Variants in SH3BGRL observed in about 807,000 individuals in gnomAD.
The protein encoded by SH3BGRL is adapter SH3BGRL.
SH3BGRL carries 7 observed loss-of-function variants against 9.8 expected under a neutral mutation model. The observed-to-expected ratio is 0.72, with a 90% CI of 0.41 to 1.35. The LOEUF is 1.35. SH3BGRL is among the 40% of genes most tolerant of loss of function. The pLI, the probability that SH3BGRL is intolerant of heterozygous loss-of-function variation, is 0.01. For missense variants in SH3BGRL, 73 were observed against 84.4 expected (o/e 0.86, Z 0.53); for synonymous variants, 36 against 29.1 (o/e 1.24, Z -0.76).
chrX:81,284,308 C>T (rs1034730482), intron 3 of SH3BGRL, among the ~76,000 whole-genome samples: 3 of 109,749 alleles, frequency 2.7e-5, no homozygotes, highest in African/African-American at 1.0e-4. Context: ...GAAAAAAATC[C>T]TAAAATTCAT....
At chrX:81,219,458 G>A (rs1191366572) in intron 1 of SH3BGRL, among the ~76,000 whole-genome samples, 2 of 111,242 alleles carry the variant, frequency 1.8e-5, no homozygotes, top group Non-Finnish European at 3.8e-5. Context: ...TGATTTCTGT[G>A]TGTTGATTTT....
In SH3BGRL at chrX:81,268,565, C is replaced by T. The variant is rs193065024; in HGVS notation, c.46-8419C>T. On this transcript the variant is annotated intron_variant, in intron 1 of 3. Transcript: ENST00000373212. ...TTACTCCTGAGTTCTAATTTGACTG[C>T]ACTGTGGTCTGAGAGGCAGTTTGTT... is the stretch of plus-strand genomic sequence containing the variant. Among the ~76,000 whole-genome samples, 21 of 111,927 alleles carry T rather than the reference C, an allele frequency of 1.9e-4. No homozygotes were observed. The Admixed American group carries it at 1.9e-3, about 10-fold the overall frequency.
At chrX:81,287,741 T>C (rs1032452353) in intron 3 of SH3BGRL, among the ~76,000 whole-genome samples, 2 of 110,417 alleles carry the variant, frequency 1.8e-5, no homozygotes, top group Non-Finnish European at 3.8e-5. Context: ...CCAGGGCATG[T>C]GTATACCTAT....
intron 3 of SH3BGRL, among the ~76,000 whole-genome samples, chrX:81,291,910 C>G (rs1338096509): frequency 1.8e-5 from 2 of 112,033 alleles, no homozygotes; most frequent in Admixed American, 1.9e-4. Context: ...AGGGCACACT[C>G]ATGCAAGGGA....
chrX:81,259,702 GC>G (rs1287724842), intron 1 of SH3BGRL, among the ~76,000 whole-genome samples: 5 of 111,683 alleles, frequency 4.5e-5, no homozygotes, highest in African/African-American at 1.6e-4. Context: ...TACTCCCAAA[GC>G]CCTCAGAACA....
intron 1 of SH3BGRL, chrX:81,202,458 T>C: frequency 1.0e-6 from 1 of 1,000,625 alleles, no homozygotes; most frequent in Non-Finnish European, 1.3e-6. Flanking sequence ...GTTTGCTTCG[T>C]GACGTTGGGG....
At chrX:81,269,025 G>T (rs1265554626) in intron 1 of SH3BGRL, among the ~76,000 whole-genome samples, 2 of 111,312 alleles carry the variant, frequency 1.8e-5, no homozygotes, top group Non-Finnish European at 3.8e-5. Flanking sequence ...TTTTATCAGA[G>T]ACCAGGATTG....
At chrX:81,267,556 C>A (rs888181795) in intron 1 of SH3BGRL, among the ~76,000 whole-genome samples, 5 of 111,630 alleles carry the variant, frequency 4.5e-5, no homozygotes, top group Non-Finnish European at 9.4e-5. Flanking sequence ...AGGGATGAAG[C>A]TGACTTGATT....
rs754642549 is a variant in SH3BGRL at position 81,278,317 on chromosome X, TTC to T, written c.232-12_232-11del. ...TTGCATATTGCTAATTCATCTTATC[TTC>T]TTTTCATCAAGGACTATGATGCCTT... On this transcript the variant is annotated splice_polypyrimidine_tract_variant and intron_variant, in intron 2 of 3. Transcript: ENST00000373212. The T allele has an allele frequency of 7.0e-5, 80 of 1,138,021 alleles. No individual in the cohort carries two copies. Among genetic ancestry groups the T allele is most frequent in the Non-Finnish European group, 8.7e-5 (73 of 839,801 alleles). The allele number at this position is 1,138,021 out of a possible 1,213,427, so 93.8% of individuals were successfully genotyped here. A position where few individuals can be genotyped will look rare whatever the true frequency, so the allele number is the denominator to read the frequency against.
chrX:81,213,188 A>G (rs1374509557), intron 1 of SH3BGRL, among the ~76,000 whole-genome samples: 1 of 111,981 alleles, frequency 8.9e-6, no homozygotes, highest in African/African-American at 3.3e-5. Context: ...TTGGATTGTC[A>G]GAACATGGAT....
intron 1 of SH3BGRL, among the ~76,000 whole-genome samples, chrX:81,260,038 C>A (rs191272247): frequency 6.8e-4 from 76 of 111,147 alleles, no homozygotes; most frequent in Non-Finnish European, 1.0e-3. Context: ...AAAATGATTA[C>A]CTAAAAAAAC....
intron 1 of SH3BGRL, among the ~76,000 whole-genome samples, chrX:81,236,535 C>A (rs1207759381): frequency 9.0e-6 from 1 of 111,412 alleles, no homozygotes; most frequent in Non-Finnish European, 1.9e-5. Flanking sequence ...AAATTTTATT[C>A]ATGGGTGCTC....
chrX:81,230,321 G>T (rs765785146), intron 1 of SH3BGRL, among the ~76,000 whole-genome samples: 229 of 111,816 alleles, frequency 2.0e-3, no homozygotes, highest in African/African-American at 4.7e-3. Context: ...AAATACAGAC[G>T]TTAAAGAAGT....
chrX:81,231,498 T>A (rs1162535597), intron 1 of SH3BGRL, among the ~76,000 whole-genome samples: 1 of 112,730 alleles, frequency 8.9e-6, no homozygotes, highest in Non-Finnish European at 1.9e-5. Flanking sequence ...CTTTCTTTTT[T>A]AAATCAATTC....
intron 1 of SH3BGRL, chrX:81,236,979 C>A: frequency 2.4e-6 from 1 of 410,444 alleles, no homozygotes; most frequent in Non-Finnish European, 3.6e-6. Flanking sequence ...TTCTAAGTGG[C>A]AAGGAACCTT....
At chrX:81,207,389 G>A (rs747437441) in intron 1 of SH3BGRL, among the ~76,000 whole-genome samples, 7 of 112,144 alleles carry the variant, frequency 6.2e-5, no homozygotes, top group Non-Finnish European at 1.3e-4. Flanking sequence ...TTTCTCTATG[G>A]TTGTACTCTG....
intron 1 of SH3BGRL, among the ~76,000 whole-genome samples, chrX:81,238,945 G>A (rs1448087511): frequency 8.9e-6 from 1 of 111,821 alleles, no homozygotes; most frequent in Non-Finnish European, 1.9e-5. Context: ...ACCTCTATGA[G>A]TATGCAACAG....
At position 81,203,484 on chromosome X, in the gene SH3BGRL, C is replaced by A. The variant is rs755953834; in HGVS notation, c.45+1239C>A. ...TAAGTTTAGGTTAAAAAAAAGAACA[C>A]CTTTTATATTTCCTTTGGACCTAAT... On this transcript the variant is annotated intron_variant, in intron 1 of 3. Transcript: ENST00000373212. 1.8e-4 allele frequency among the ~76,000 whole-genome samples: 20 copies of A among 111,951 alleles called. No homozygotes were observed. The East Asian group carries it at 5.6e-3, about 32-fold the overall frequency.
chrX:81,256,113 A>G (rs2075724730), intron 1 of SH3BGRL, among the ~76,000 whole-genome samples: 1 of 112,016 alleles, frequency 8.9e-6, no homozygotes. Flanking sequence ...CCTTTTTCAG[A>G]AACAAATGTT....
Sources: gnomAD v4.1 joint callset for allele counts (sites outside exome capture counted in the v4.1 genomes callset) on GRCh38, gnomAD v4.1.1 for gene constraint, MANE v1.5 for transcripts, NCBI Gene and HGNC (gene_info 2026-07-23, HGNC 2026-07-21) for gene names.